Variants in HERC4 observed in about 807,000 individuals in gnomAD.
The protein encoded by HERC4 is probable E3 ubiquitin-protein ligase HERC4.
HERC4 carries 28 observed loss-of-function variants against 124.3 expected under a neutral mutation model. The observed-to-expected ratio is 0.23, with a 90% CI of 0.17 to 0.31. The LOEUF is 0.31. Among genes scored for constraint, HERC4 ranks in the 10% least tolerant of loss-of-function variants. HERC4 has a pLI of 1.00. For synonymous variants in HERC4, 407 were observed against 421.5 expected, an observed-to-expected ratio of 0.97 and a Z score of 0.42; for missense variants, 713 against 1,229.3, an observed-to-expected ratio of 0.58 and a Z score of 6.28.
chr10:67,930,457 T>C (rs568727772), intron 23 of HERC4, among the ~76,000 whole-genome samples: 69 of 152,298 alleles, frequency 4.5e-4, no homozygotes, highest in Non-Finnish European at 6.6e-4. Context: ...CTAGGTCATA[T>C]AGCAAATGTA....
intron 3 of HERC4, among the ~76,000 whole-genome samples, chr10:68,055,272 T>C (rs2040495576): frequency 6.6e-6 from 1 of 152,190 alleles, no homozygotes. Flanking sequence ...TCCCTCTAAT[T>C]ATTACTAATA....
At chr10:68,024,664 T>C (rs1342040150) in intron 8 of HERC4, among the ~76,000 whole-genome samples, 4 of 152,160 alleles carry the variant, frequency 2.6e-5, no homozygotes, top group Non-Finnish European at 5.9e-5. Context: ...TTACATGCAT[T>C]TGAAGCTAAT....
chr10:67,930,058 G>A (rs942374990), intron 23 of HERC4, among the ~76,000 whole-genome samples: 2 of 151,538 alleles, frequency 1.3e-5, no homozygotes, highest in Non-Finnish European at 1.5e-5. Flanking sequence ...TGCCCGCCTC[G>A]GCCTCCCAAA....
intron 19 of HERC4, among the ~76,000 whole-genome samples, chr10:67,947,053 A>T (rs2033422242): frequency 6.6e-6 from 1 of 152,244 alleles, no homozygotes; most frequent in African/African-American, 2.4e-5. Context: ...CACTTACAGC[A>T]CTGGACAGAT....
intron 4 of HERC4, chr10:68,039,331 A>AG: frequency 6.9e-7 from 1 of 1,455,062 alleles, no homozygotes; most frequent in Non-Finnish European, 9.1e-7. Flanking sequence ...AAAAAAAAAA[A>AG]AAAGAAAGAA....
chr10:67,931,857 G>A (rs2031849023), intron 23 of HERC4, among the ~76,000 whole-genome samples: 1 of 152,150 alleles, frequency 6.6e-6, no homozygotes, highest in South Asian at 2.1e-4. Context: ...CAACCACCTG[G>A]GATCAAGAGA....
intron 23 of HERC4, among the ~76,000 whole-genome samples, chr10:67,928,256 A>G (rs1220648652): frequency 6.6e-6 from 1 of 152,136 alleles, no homozygotes; most frequent in East Asian, 1.9e-4. Context: ...AGAAGCTGTT[A>G]TATCATTTTC....
At chr10:68,062,717 A>G (rs2041094193) in intron 3 of HERC4, among the ~76,000 whole-genome samples, 1 of 151,922 alleles carries the variant, frequency 6.6e-6, no homozygotes, top group Non-Finnish European at 1.5e-5. Flanking sequence ...CTGGGATCGC[A>G]CCACTGCACT....
At chr10:68,050,531 T>C (rs748038320) in intron 3 of HERC4, among the ~76,000 whole-genome samples, 1 of 152,180 alleles carries the variant, frequency 6.6e-6, no homozygotes, top group Non-Finnish European at 1.5e-5. Context: ...CATCAAATTA[T>C]TGGGATACTA....
chr10:67,967,601 A>C (rs1327453643), intron 15 of HERC4, among the ~76,000 whole-genome samples: 1 of 152,208 alleles, frequency 6.6e-6, no homozygotes, highest in Non-Finnish European at 1.5e-5. Context: ...AGATAAAAAC[A>C]AATCTTTACA....
intron 23 of HERC4, among the ~76,000 whole-genome samples, chr10:67,931,380 A>G (rs900077452): frequency 6.6e-6 from 1 of 152,142 alleles, no homozygotes; most frequent in Admixed American, 6.5e-5. Context: ...GGAAACAAAG[A>G]TTTTTAAAAA....
chr10:67,952,135 A>G (rs890497197), intron 19 of HERC4, among the ~76,000 whole-genome samples: 1 of 152,098 alleles, frequency 6.6e-6, no homozygotes, highest in African/African-American at 2.4e-5. Context: ...CAATTTATTT[A>G]TTTGTCCAAA....
intron 8 of HERC4, among the ~76,000 whole-genome samples, chr10:68,018,178 A>G (rs1423393045): frequency 6.6e-6 from 1 of 152,142 alleles, no homozygotes; most frequent in Admixed American, 6.5e-5. Flanking sequence ...CAAAAAGGAT[A>G]ATACTTGACC....
chr10:67,950,192 A>G (rs541013985), intron 19 of HERC4, among the ~76,000 whole-genome samples: 1 of 152,236 alleles, frequency 6.6e-6, no homozygotes, highest in East Asian at 1.9e-4. Flanking sequence ...TCCTACTATT[A>G]TACCTTCTCT....
chr10:68,048,545 G>A (rs1037866446), intron 3 of HERC4, among the ~76,000 whole-genome samples: 6 of 152,190 alleles, frequency 3.9e-5, no homozygotes, highest in Middle Eastern at 3.4e-3. Flanking sequence ...GGATTTTGAG[G>A]GCAGTGAAAC....
chr10:67,928,851 G>A (rs184505385), intron 23 of HERC4, among the ~76,000 whole-genome samples: 1,647 of 152,090 alleles, frequency 0.011, 30 homozygotes, highest in African/African-American at 0.037. Flanking sequence ...AACTTGGGAG[G>A]CGGAGGCTGC....
intron 19 of HERC4, among the ~76,000 whole-genome samples, chr10:67,951,076 G>T (rs1014728704): frequency 8.5e-5 from 13 of 152,176 alleles, no homozygotes; most frequent in African/African-American, 2.9e-4. Context: ...GCTCTCACCA[G>T]CCAAGGTGAG....
intron 3 of HERC4, among the ~76,000 whole-genome samples, chr10:68,046,356 A>G (rs1198167891): frequency 1.3e-5 from 2 of 152,210 alleles, no homozygotes; most frequent in Non-Finnish European, 2.9e-5. Flanking sequence ...ATAACAAATT[A>G]ATAGCATCAG....
chr10:68,040,826 T>C (rs1395962641), intron 4 of HERC4, among the ~76,000 whole-genome samples: 1 of 151,072 alleles, frequency 6.6e-6, no homozygotes, highest in East Asian at 1.9e-4. Flanking sequence ...GAGGCGGAAG[T>C]TGCAGTGAGC....
Sources: gnomAD v4.1 joint callset for allele counts (sites outside exome capture counted in the v4.1 genomes callset) on GRCh38, gnomAD v4.1.1 for gene constraint, MANE v1.5 for transcripts, NCBI Gene and HGNC (gene_info 2026-07-23, HGNC 2026-07-21) for gene names.